The following KIAA1217 variants were observed in gnomAD, a reference collection of about 807,000 sequenced individuals.
KIAA1217 encodes sickle tail protein homolog.
Under a neutral mutation model 163.9 loss-of-function variants are expected in KIAA1217, and 88 were observed. The observed-to-expected ratio is 0.54, with a 90% CI of 0.45 to 0.64. The LOEUF is 0.64. KIAA1217 is among the 30% of genes least tolerant of loss of function. The probability of loss-of-function intolerance (pLI) is 0.00; values close to 1 mark genes in which losing one functional copy is unlikely to be tolerated. For synonymous variants in KIAA1217, 903 were observed against 923.1 expected (o/e 0.98, Z 0.39); for missense variants, 2,372 against 2,475.0 (o/e 0.96, Z 0.88).
intron 2 of KIAA1217, among the ~76,000 whole-genome samples, chr10:24,110,866 A>G (rs1349798232): frequency 6.6e-6 from 1 of 152,252 alleles, no homozygotes; most frequent in African/African-American, 2.4e-5. Flanking sequence ...TGCATATTAA[A>G]ACTGAGATAA....
chr10:23,848,103 G>A (rs1839129926), intron 1 of KIAA1217, among the ~76,000 whole-genome samples: 1 of 151,882 alleles, frequency 6.6e-6, no homozygotes, highest in Non-Finnish European at 1.5e-5. Context: ...CCATTCTTTT[G>A]CATTTGCTGA....
At chr10:23,793,038 TG>T (rs1387421578) in intron 1 of KIAA1217, among the ~76,000 whole-genome samples, 1 of 82,140 alleles carries the variant, frequency 1.2e-5, no homozygotes, top group African/African-American at 6.2e-5. Flanking sequence ...ACCTCTCATG[TG>T]GGAGAAGGGA....
chr10:24,279,278 G>GT (rs1252516677), intron 2 of KIAA1217, among the ~76,000 whole-genome samples: 55 of 143,488 alleles, frequency 3.8e-4, no homozygotes, highest in Admixed American at 5.6e-4. Context: ...TTGTTTGTTT[G>GT]TTTTTTTTTT....
chr10:23,890,652 T>C (rs1242039423), intron 1 of KIAA1217, among the ~76,000 whole-genome samples: 2 of 151,980 alleles, frequency 1.3e-5, no homozygotes, highest in Non-Finnish European at 2.9e-5. Context: ...TTGAATGCAT[T>C]ATACACTTTG....
intron 3 of KIAA1217, among the ~76,000 whole-genome samples, chr10:24,428,546 G>T (rs760583097): frequency 1.3e-5 from 2 of 152,088 alleles, no homozygotes; most frequent in Non-Finnish European, 2.9e-5. Context: ...GAGGTTACTA[G>T]GCTGGTTACA....
intron 1 of KIAA1217, among the ~76,000 whole-genome samples, 184 bp downstream of exon 1, chr10:24,209,447 T>A (rs2067794494): frequency 6.6e-6 from 1 of 152,204 alleles, no homozygotes; most frequent in Non-Finnish European, 1.5e-5. Flanking sequence ...AGGCTTGACT[T>A]TATCTCTGGC....
intron 1 of KIAA1217, among the ~76,000 whole-genome samples, chr10:23,817,860 C>A (rs1246041730): frequency 6.7e-6 from 1 of 149,416 alleles, no homozygotes; most frequent in Non-Finnish European, 1.5e-5. Flanking sequence ...CAGGTTGAGG[C>A]AGGAGGATTG....
chr10:24,082,221 T>A (rs1420491601), intron 2 of KIAA1217, among the ~76,000 whole-genome samples: 2 of 152,068 alleles, frequency 1.3e-5, no homozygotes, highest in African/African-American at 2.4e-5. Context: ...CTCATTGTTT[T>A]TGGACATCAT....
intron 1 of KIAA1217, among the ~76,000 whole-genome samples, chr10:23,790,045 GCATATACA>G (rs1274008327): frequency 3.4e-5 from 3 of 89,122 alleles, no homozygotes; most frequent in Non-Finnish European, 6.5e-5. Flanking sequence ...ATATACATAT[GCATATACA>G]CATATACACA....
intron 8 of KIAA1217, among the ~76,000 whole-genome samples, chr10:24,499,626 G>A (rs2067255853): frequency 6.6e-6 from 1 of 152,158 alleles, no homozygotes; most frequent in Non-Finnish European, 1.5e-5. Context: ...CAGCTACTCG[G>A]GAGGCTGAGA....
At chr10:23,698,004 T>C (rs1836163349) in intron 1 of KIAA1217, among the ~76,000 whole-genome samples, 1 of 152,234 alleles carries the variant, frequency 6.6e-6, no homozygotes, top group South Asian at 2.1e-4. Context: ...TTTTAGTTTT[T>C]GGAAACTTTT....
intron 2 of KIAA1217, among the ~76,000 whole-genome samples, chr10:24,338,922 A>C (rs1324659872): frequency 6.6e-6 from 1 of 152,204 alleles, no homozygotes; most frequent in Admixed American, 6.5e-5. Context: ...TTCAGAAATA[A>C]ATTCCATTTA....
At chr10:24,184,636 T>G (rs1203933468) in intron 2 of KIAA1217, among the ~76,000 whole-genome samples, 3 of 152,214 alleles carry the variant, frequency 2.0e-5, no homozygotes, top group South Asian at 2.1e-4. Context: ...ATGCACTGAT[T>G]GCTGTCCAGC....
At chr10:23,703,202 TC>T (rs1414322247) in intron 1 of KIAA1217, among the ~76,000 whole-genome samples, 3 of 152,134 alleles carry the variant, frequency 2.0e-5, no homozygotes, top group Non-Finnish European at 4.4e-5. Context: ...GTGGAGACCC[TC>T]CTGGCGGTCA....
chr10:24,325,086 C>G (rs1379661482), intron 2 of KIAA1217, among the ~76,000 whole-genome samples: 2 of 152,168 alleles, frequency 1.3e-5, no homozygotes, highest in Admixed American at 6.5e-5. Flanking sequence ...ACTTCTACTT[C>G]TCAAAGAACA....
intron 1 of KIAA1217, among the ~76,000 whole-genome samples, chr10:23,829,048 T>G (rs1838045663): frequency 6.6e-6 from 1 of 152,168 alleles, no homozygotes; most frequent in African/African-American, 2.4e-5. Context: ...AAATCCCTTT[T>G]CCTAAGCACT....
intron 1 of KIAA1217, among the ~76,000 whole-genome samples, chr10:23,970,903 G>C (rs74368033): frequency 0.046 from 6,954 of 152,246 alleles, 532 homozygotes; most frequent in African/African-American, 0.16. Context: ...TCAACTGAGG[G>C]GGGGATAAGG....
At chr10:24,092,416 C>A (rs61661910) in intron 2 of KIAA1217, among the ~76,000 whole-genome samples, 10 of 145,668 alleles carry the variant, frequency 6.9e-5, no homozygotes, top group Non-Finnish European at 7.8e-5. Context: ...CCACTCCCAA[C>A]AAAAATAACC....
chr10:24,147,340 A>G (rs1172939290), intron 2 of KIAA1217, among the ~76,000 whole-genome samples: 1 of 152,218 alleles, frequency 6.6e-6, no homozygotes, highest in Non-Finnish European at 1.5e-5. Flanking sequence ...ATAGGAAAAG[A>G]AAACCTCTTT....
Sources: allele counts gnomAD v4.1 joint callset (sites outside exome capture counted in the v4.1 genomes callset), GRCh38; gene constraint gnomAD v4.1.1; transcripts MANE v1.5; gene names NCBI Gene and HGNC (gene_info 2026-07-23, HGNC 2026-07-21).